CRY1: variants seen among roughly 807,000 people sequenced by gnomAD.
The protein encoded by CRY1 is cryptochrome-1.
CRY1 carries 45 observed loss-of-function variants against 76.0 expected under a neutral mutation model. The observed-to-expected ratio is 0.59, with a 90% confidence interval of 0.47 to 0.76. CRY1 has a LOEUF of 0.76. Ranked by LOEUF, CRY1 falls within the 30% of genes least tolerant of loss-of-function variation. CRY1 has a pLI of 0.00. For synonymous variants in CRY1, 248 were observed against 244.0 expected, an observed-to-expected ratio of 1.02 and a Z score of -0.15; for missense variants, 587 against 716.4, an observed-to-expected ratio of 0.82 and a Z score of 2.06.
chr12:107,013,205 T>C (rs1200308774), intron 2 of CRY1, among the ~76,000 whole-genome samples: 2 of 152,180 alleles, frequency 1.3e-5, no homozygotes, highest in Non-Finnish European at 2.9e-5. Context: ...AGTCAATTGA[T>C]GTGGCAAACT....
intron 1 of CRY1, among the ~76,000 whole-genome samples, chr12:107,032,239 T>A (rs1319690751): frequency 6.6e-6 from 1 of 151,520 alleles, no homozygotes; most frequent in African/African-American, 2.4e-5. Flanking sequence ...CGGCCAGTAC[T>A]ATGGTTTCTT....
intron 1 of CRY1, among the ~76,000 whole-genome samples, chr12:107,054,667 A>G (rs1475727590): frequency 6.6e-6 from 1 of 150,780 alleles, no homozygotes; most frequent in African/African-American, 2.4e-5. Context: ...AAAAAAAGGG[A>G]TACAAAAAAG....
chr12:106,994,052 A>G lies in CRY1; in HGVS notation c.1586-1016T>C, dbSNP rs185902309. Reference sequence around the variant, plus strand: ...AGAATGTTCCACAGTCATTAAAAAAACAAACAAAAACAAACAAACAAAAAA... The same window carrying G: ...AGAATGTTCCACAGTCATTAAAAAAGCAAACAAAAACAAACAAACAAAAAA... On this transcript the variant is annotated intron_variant, in intron 10 of 12. Coordinates refer to ENST00000008527, the MANE Select transcript of CRY1 (RefSeq NM_004075.5). 8.3e-4 allele frequency among the ~76,000 whole-genome samples: 126 copies of G among 151,148 alleles called. 1 individual carries two copies. The South Asian group carries it at 0.015, about 18-fold the overall frequency.
chr12:107,060,779 C>T (rs1276297759), intron 1 of CRY1, among the ~76,000 whole-genome samples: 1 of 152,068 alleles, frequency 6.6e-6, no homozygotes, highest in Non-Finnish European at 1.5e-5. Context: ...GAGATGGATA[C>T]CATCCTGGCT....
At chr12:107,022,295 T>G in intron 1 of CRY1, 103 bp from the exon 2 acceptor site, 1 of 588,260 alleles carries the variant, frequency 1.7e-6, no homozygotes, top group South Asian at 3.1e-5. Context: ...TGCCAACCTA[T>G]CATCTTATTA....
At chr12:107,045,650 C>A (rs1021019797) in intron 1 of CRY1, among the ~76,000 whole-genome samples, 2 of 152,026 alleles carry the variant, frequency 1.3e-5, no homozygotes, top group Non-Finnish European at 2.9e-5. Flanking sequence ...AGTCTTTAAT[C>A]CATCTTGAAT....
intron 1 of CRY1, among the ~76,000 whole-genome samples, chr12:107,051,362 T>G (rs1453965108): frequency 6.6e-6 from 1 of 152,162 alleles, no homozygotes; most frequent in Non-Finnish European, 1.5e-5. Flanking sequence ...CTTTTTATGG[T>G]AAAATATTAG....
chr12:107,063,777 T>C (rs1211518809), intron 1 of CRY1, among the ~76,000 whole-genome samples: 3 of 152,154 alleles, frequency 2.0e-5, no homozygotes, highest in East Asian at 1.9e-4. Flanking sequence ...TTTGTACTTT[T>C]AGTAGATACA....
At chr12:107,025,123 C>T (rs1348228191) in intron 1 of CRY1, among the ~76,000 whole-genome samples, 1 of 152,068 alleles carries the variant, frequency 6.6e-6, no homozygotes, top group Non-Finnish European at 1.5e-5. Flanking sequence ...AAATACTTAC[C>T]AAGCTATTAA....
At chr12:107,082,628 T>C (rs1469708777) in intron 1 of CRY1, among the ~76,000 whole-genome samples, 8 of 152,004 alleles carry the variant, frequency 5.3e-5, no homozygotes, top group Non-Finnish European at 1.2e-4. Flanking sequence ...CAGAAGTAAG[T>C]AAGTTCTTTG....
At chr12:107,055,896 A>G (rs1952976569) in intron 1 of CRY1, among the ~76,000 whole-genome samples, 1 of 152,164 alleles carries the variant, frequency 6.6e-6, no homozygotes, top group Non-Finnish European at 1.5e-5. Context: ...AAACAAGAAT[A>G]AAGCTAAATG....
chr12:107,067,870 C>T (rs551404483), intron 1 of CRY1, among the ~76,000 whole-genome samples: 5 of 152,306 alleles, frequency 3.3e-5, no homozygotes, highest in African/African-American at 9.6e-5. Context: ...GGCCATAAGG[C>T]AGTCAGTTCC....
intron 2 of CRY1, among the ~76,000 whole-genome samples, chr12:107,007,534 T>C (rs1435777472): frequency 6.6e-6 from 1 of 151,836 alleles, no homozygotes; most frequent in Non-Finnish European, 1.5e-5. Context: ...TTTCTTCTTT[T>C]TTTTTTTTTT....
chr12:107,062,471 A>T (rs919341941), intron 1 of CRY1, among the ~76,000 whole-genome samples: 1 of 152,192 alleles, frequency 6.6e-6, no homozygotes, highest in African/African-American at 2.4e-5. Flanking sequence ...CTTAAAACTT[A>T]GTTTTTCCTT....
rs1353338057 is a variant in CRY1, at chr12:107,022,086, T to C, written c.265A>G (p.Lys89Glu). ...QPADVFPRLF[K>E]EWNITKLSIE... ...TATGCAAATATTTTTCAAATTACCT[T>C]GAAAAGCCTGGGAAACACATCTGCT... The change falls in exon 2 of 13, where the codon AAG becomes GAG. Residue 89 changes from lysine to glutamate, a missense_variant and splice_region_variant. By Grantham distance (56) the Lys-to-Glu change is moderately conservative. Coordinates refer to ENST00000008527, the MANE Select transcript of CRY1 (RefSeq NM_004075.5). 2 of 1,594,898 alleles carry C rather than the reference T, an allele frequency of 1.3e-6. No homozygotes were observed. Among genetic ancestry groups the C allele is most frequent in the Middle Eastern group, 1.7e-4 (1 of 6,018 alleles).
intron 1 of CRY1, among the ~76,000 whole-genome samples, chr12:107,029,114 G>A (rs562214792): frequency 1.3e-5 from 2 of 152,132 alleles, no homozygotes; most frequent in South Asian, 4.2e-4. Flanking sequence ...ATGTTGCCCA[G>A]GCTGGCCTCA....
At chr12:107,092,631 G>T (rs1180981916) in intron 1 of CRY1, among the ~76,000 whole-genome samples, 173 bp downstream of exon 1, 3 of 152,162 alleles carry the variant, frequency 2.0e-5, no homozygotes, top group African/African-American at 7.2e-5. Flanking sequence ...GTACTCTTTG[G>T]CCAGAGAAGT....
chr12:107,015,669 G>A (rs1952491049), intron 2 of CRY1, among the ~76,000 whole-genome samples: 1 of 152,060 alleles, frequency 6.6e-6, no homozygotes, highest in African/African-American at 2.4e-5. Context: ...ATTTTCATTT[G>A]AGTAAGTGAA....
chr12:107,076,190 C>T (rs1460002383), intron 1 of CRY1, among the ~76,000 whole-genome samples: 1 of 151,848 alleles, frequency 6.6e-6, no homozygotes, highest in Non-Finnish European at 1.5e-5. Flanking sequence ...GAACTCAGAC[C>T]TGGAATCAAG....
Sources: allele counts gnomAD v4.1 joint callset (sites outside exome capture counted in the v4.1 genomes callset), GRCh38; gene constraint gnomAD v4.1.1; transcripts MANE v1.5; gene names NCBI Gene and HGNC (gene_info 2026-07-23, HGNC 2026-07-21).